CC2D2A: variants seen among roughly 807,000 people sequenced by gnomAD.
CC2D2A encodes coiled-coil and C2 domain containing 2A.
A neutral mutation model predicts 212.9 loss-of-function variants in CC2D2A; 155 were observed. That is an observed-to-expected ratio of 0.73 (90% CI 0.64 to 0.83). The LOEUF (loss-of-function observed/expected upper bound fraction) is 0.83. Ranked by LOEUF, CC2D2A falls within the 40% of genes least tolerant of loss-of-function variation. CC2D2A has a pLI of 0.00. For missense variants in CC2D2A, 1,856 were observed against 1,956.2 expected (o/e 0.95, Z 0.97); for synonymous variants, 667 against 686.5 (o/e 0.97, Z 0.44).
intron 11 of CC2D2A, among the ~76,000 whole-genome samples, chr4:15,527,063 G>A (rs1375841797): frequency 4.6e-5 from 7 of 152,110 alleles, no homozygotes; most frequent in Non-Finnish European, 1.0e-4. Context: ...TCCAAATAAT[G>A]ATCGGTTTGA....
At chr4:15,600,505 G>C (rs1721539459) in intron 36 of CC2D2A, among the ~76,000 whole-genome samples, 1 of 152,124 alleles carries the variant, frequency 6.6e-6, no homozygotes, top group Non-Finnish European at 1.5e-5. Context: ...CCCAAAGCAG[G>C]AGAACATCAC....
intron 4 of CC2D2A, among the ~76,000 whole-genome samples, chr4:15,486,561 T>G (rs1437462362): frequency 1.3e-5 from 2 of 152,010 alleles, no homozygotes; most frequent in Admixed American, 6.5e-5. Context: ...TTTCTTAATC[T>G]GGCTAAAGTT....
chr4:15,480,617 C>T (rs932624334), intron 3 of CC2D2A, 87 bp from the exon 4 acceptor site: 5 of 1,441,778 alleles, frequency 3.5e-6, no homozygotes, highest in Non-Finnish European at 4.7e-6. Context: ...AAGGCCTGTC[C>T]CCTCACTGGT....
chr4:15,538,957 G>A (rs1275604757), intron 16 of CC2D2A, among the ~76,000 whole-genome samples: 1 of 152,058 alleles, frequency 6.6e-6, no homozygotes, highest in African/African-American at 2.4e-5. Flanking sequence ...TCAGCACTTT[G>A]GGAGGCTGAG....
In CC2D2A at chr4:15,511,353, CG is replaced by C. The variant is rs746415983; in HGVS notation, c.650del (p.Gly217GlufsTer41). ...GAAAAACCAAAAGCAAGACATAGAG[CG>C]GGAACTAATCAAGAGGAGGAGGAAG... ...SEEKPKARHRAGTNQEEEEGE... is the reference protein window; with the variant it reads ...SEEKPKARHRXGTNQEEEEGE... On this transcript the variant is annotated frameshift_variant, in exon 8 of 37. Coordinates refer to ENST00000424120, the MANE Select transcript of CC2D2A (RefSeq NM_001378615.1). LOFTEE classifies it high-confidence loss of function. The C allele has an allele frequency of 1.2e-5, 19 of 1,575,834 alleles. No individual in the cohort carries two copies. In the South Asian group the frequency reaches 2.3e-4, roughly 19 times the overall value.
chr4:15,496,663 T>C (rs141002290), intron 4 of CC2D2A, among the ~76,000 whole-genome samples: 53 of 152,244 alleles, frequency 3.5e-4, no homozygotes, highest in African/African-American at 1.3e-3. Flanking sequence ...GAATATAATT[T>C]CTGTAGCATC....
chr4:15,520,291 A>T (rs1168260551), intron 11 of CC2D2A, among the ~76,000 whole-genome samples: 1 of 152,226 alleles, frequency 6.6e-6, no homozygotes, highest in African/African-American at 2.4e-5. Flanking sequence ...CAGAAATGTG[A>T]TCCTGGAGGC....
intron 23 of CC2D2A, among the ~76,000 whole-genome samples, chr4:15,562,879 G>A (rs1719684931): frequency 6.6e-6 from 1 of 152,220 alleles, no homozygotes; most frequent in African/African-American, 2.4e-5. Context: ...AGGCTAATAG[G>A]AGCTCAAGAG....
rs747125157 is a variant in CC2D2A, at chr4:15,514,715, A to G, written c.726A>G (p.Glu242=). 1.9e-6 allele frequency: 3 copies of G among 1,546,550 alleles called. No homozygotes were observed. The Admixed American group carries it at 5.5e-5, about 29-fold the overall frequency. ...TTTTTAACATTATGCAGGATGAGGA[A>G]GAACTGCTTAATGGTGATGATGCCG... ...AQGGGKEMDE[E]ELLNGDDAED... is the part of the protein sequence containing the mutation. The change falls in exon 9 of 37, where the codon GAA becomes GAG. Residue 242 remains glutamate (E), a synonymous_variant. Coordinates refer to ENST00000424120, the MANE Select transcript of CC2D2A (RefSeq NM_001378615.1).
intron 4 of CC2D2A, chr4:15,481,059 C>A: frequency 4.1e-6 from 2 of 490,380 alleles, no homozygotes; most frequent in Non-Finnish European, 3.8e-6. Flanking sequence ...GATGTTTGTC[C>A]CCTCCAAATC....
intron 6 of CC2D2A, 136 bp downstream of exon 6, chr4:15,503,059 G>A: frequency 1.7e-6 from 1 of 575,758 alleles, no homozygotes; most frequent in Non-Finnish European, 2.9e-6. Context: ...CACTTTGGGA[G>A]ACTGAGGTGG....
chr4:15,590,927 C>T (rs2148489863), intron 33 of CC2D2A, among the ~76,000 whole-genome samples: 1 of 151,996 alleles, frequency 6.6e-6, no homozygotes, highest in African/African-American at 2.4e-5. Flanking sequence ...GAGGTCTCAC[C>T]ATATTGACTA....
At chr4:15,505,086 T>C (rs1179563931) in intron 6 of CC2D2A, among the ~76,000 whole-genome samples, 2 of 152,194 alleles carry the variant, frequency 1.3e-5, no homozygotes, top group Non-Finnish European at 2.9e-5. Flanking sequence ...TGAATACATG[T>C]TACAGTGTTT....
chr4:15,527,557 T>G lies in CC2D2A; in HGVS notation c.1260T>G (p.Cys420Trp), dbSNP rs751436798. The G allele has an allele frequency of 6.2e-7, 1 of 1,613,548 alleles. No homozygotes were observed. Among genetic ancestry groups the G allele is most frequent in the East Asian group, 2.2e-5 (1 of 44,872 alleles). Residue 420 changes from cysteine (C) to tryptophan (W), a missense_variant, in exon 12 of 37, where the codon TGT (cysteine) becomes TGG (tryptophan). Cys to Trp is a radical substitution (Grantham distance 215). This residue lies in a region of CC2D2A where 1,512 missense variants were observed against 1,579.3 expected (regional missense o/e 0.96). Coordinates refer to ENST00000424120, the MANE Select transcript of CC2D2A (RefSeq NM_001378615.1). The stretch of plus-strand genomic sequence containing the variant: ...GGTTAATCTTCACTCATCATCCCTG[T>G]TTTAGCCGAGAGCATGTTTTGGCAG... ...ISGLIFTHHP[C>W]FSREHVLAAK... is the part of the protein sequence containing the mutation.
intron 4 of CC2D2A, among the ~76,000 whole-genome samples, chr4:15,500,107 G>GTGTGTGTGTATATATATATATA (rs1479141284): frequency 3.8e-4 from 43 of 112,930 alleles, no homozygotes; most frequent in Admixed American, 6.4e-4. Flanking sequence ...GTGTGTGTGT[G>GTGTGTGTGTATATATATATATA]TATATATATA....
chr4:15,599,768 CAAT>C (rs1721498891), intron 36 of CC2D2A, 62 bp downstream of exon 36: 1 of 1,323,840 alleles, frequency 7.6e-7, no homozygotes, highest in Admixed American at 2.2e-5. Context: ...GGAAATTAGC[CAAT>C]AATAGGTTTC....
Position 15,563,512 on chromosome 4 carries a change from C to A in CC2D2A, c.3172C>A (p.Pro1058Thr). The change falls in exon 24 of 37, where the codon CCG (proline) becomes ACG (threonine). Residue 1058 changes from proline (P) to threonine (T), a missense_variant. Around this residue, in one of 5 missense-constraint regions of CC2D2A, gnomAD observed 1,512 missense variants for 1,579.3 expected, o/e 0.96. Coordinates refer to ENST00000424120, the MANE Select transcript of CC2D2A (RefSeq NM_001378615.1). ...AGCTTACGACATTCCAGTGAGGAAG[C>A]CGGCAGTGAGGTGAGAGCCCTCCCA... Reference protein sequence around the residue: ...VRAYDIPVRKPAVSKFQQPSR... With the variant: ...VRAYDIPVRKTAVSKFQQPSR... 1 of 1,611,672 alleles carries A rather than the reference C, an allele frequency of 6.2e-7. No homozygotes were observed. The highest frequency in any genetic ancestry group is 8.5e-7 in the Non-Finnish European group (1 of 1,179,042).
At chr4:15,600,670 A>T (rs1252174128) in intron 36 of CC2D2A, among the ~76,000 whole-genome samples, 2 of 152,106 alleles carry the variant, frequency 1.3e-5, no homozygotes, top group African/African-American at 4.8e-5. Flanking sequence ...TGGGAGGCTG[A>T]GGCAGCGGAT....
chr4:15,589,718 C>T (rs370775983), intron 33 of CC2D2A, 39 bp downstream of exon 33: 55 of 1,380,194 alleles, frequency 4.0e-5, no homozygotes, highest in South Asian at 1.1e-4. Context: ...GGTTAGCTGT[C>T]GTTTCTTTTA....
Sources: allele counts gnomAD v4.1 joint callset (sites outside exome capture counted in the v4.1 genomes callset), GRCh38; gene constraint gnomAD v4.1.1; regional missense constraint gnomAD v4.1.1; transcripts MANE v1.5; gene names NCBI Gene and HGNC (gene_info 2026-07-23, HGNC 2026-07-21).